Variants in DMXL2 observed in about 807,000 individuals in gnomAD.
DMXL2 encodes dmX-like protein 2.
A neutral mutation model predicts 331.1 loss-of-function variants in DMXL2; 103 were observed. The ratio of observed to expected loss-of-function variants is 0.31; its 90% CI spans 0.27 to 0.37. The LOEUF (loss-of-function observed/expected upper bound fraction) is 0.37. Among genes scored for constraint, DMXL2 ranks in the 10% least tolerant of loss-of-function variants. The probability of loss-of-function intolerance (pLI) is 1.00; values close to 1 mark genes in which losing one functional copy is unlikely to be tolerated. For missense variants in DMXL2, 3,171 were observed against 3,642.9 expected, an observed-to-expected ratio of 0.87 and a Z score of 3.33; for synonymous variants, 1,281 against 1,252.1, an observed-to-expected ratio of 1.02 and a Z score of -0.49.
chr15:51,468,570 A>G (rs1264783520), intron 29 of DMXL2, among the ~76,000 whole-genome samples: 2 of 152,358 alleles, frequency 1.3e-5, no homozygotes, highest in Non-Finnish European at 1.5e-5. Flanking sequence ...ACACAAAAGC[A>G]AAAGAATAAA....
chr15:51,555,332 A>G (rs2049492072), intron 6 of DMXL2, among the ~76,000 whole-genome samples: 1 of 152,174 alleles, frequency 6.6e-6, no homozygotes, highest in Admixed American at 6.6e-5. Flanking sequence ...CAGATTGTGG[A>G]TATATTCTAA....
At chr15:51,592,825 G>A (rs2052491770) in intron 1 of DMXL2, among the ~76,000 whole-genome samples, 4 of 152,036 alleles carry the variant, frequency 2.6e-5, no homozygotes. Context: ...AGCTTCATAA[G>A]TGAAGGAGAA....
At chr15:51,590,802 T>C (rs576429864) in intron 1 of DMXL2, among the ~76,000 whole-genome samples, 1 of 152,310 alleles carries the variant, frequency 6.6e-6, no homozygotes, top group East Asian at 1.9e-4. Context: ...GGGCATAATG[T>C]GGTAGAAAAT....
intron 1 of DMXL2, among the ~76,000 whole-genome samples, chr15:51,581,594 T>C (rs1257052268): frequency 6.6e-6 from 1 of 152,206 alleles, no homozygotes; most frequent in African/African-American, 2.4e-5. Context: ...ATAATTGTCT[T>C]AACTACATTA....
intron 19 of DMXL2, among the ~76,000 whole-genome samples, chr15:51,494,433 A>G (rs905215927): frequency 1.3e-5 from 2 of 152,112 alleles, no homozygotes; most frequent in African/African-American, 4.8e-5. Flanking sequence ...CGCACTCCCA[A>G]CTCTTCTAAT....
At chr15:51,466,353 T>C in intron 29 of DMXL2, 42 bp from the exon 30 acceptor site, 1 of 835,342 alleles carries the variant, frequency 1.2e-6, no homozygotes, top group South Asian at 3.6e-5. Context: ...GATTATAATT[T>C]CATAAACATA....
chr15:51,503,122 A>G, intron 16 of DMXL2, 89 bp from the exon 17 acceptor site: 2 of 935,336 alleles, frequency 2.1e-6, no homozygotes, highest in Non-Finnish European at 3.2e-6. Flanking sequence ...TATTTAAGAA[A>G]CATAGCTTCT....
chr15:51,585,839 C>G (rs2051777919), intron 1 of DMXL2, among the ~76,000 whole-genome samples: 1 of 152,086 alleles, frequency 6.6e-6, no homozygotes, highest in South Asian at 2.1e-4. Flanking sequence ...TGTAAACTGA[C>G]TATTCATATT....
chr15:51,468,945 A>C (rs1361160973), intron 29 of DMXL2, among the ~76,000 whole-genome samples: 1 of 151,936 alleles, frequency 6.6e-6, no homozygotes, highest in African/African-American at 2.4e-5. Context: ...AAAAGGTGGG[A>C]GTTAAGTTAA....
chr15:51,530,856 T>G (rs887573284), intron 13 of DMXL2, among the ~76,000 whole-genome samples: 2 of 152,180 alleles, frequency 1.3e-5, no homozygotes, highest in Non-Finnish European at 2.9e-5. Flanking sequence ...TAATGAAAAC[T>G]GTAAAACACT....
rs200404889 is a variant in DMXL2 at position 51,502,911 on chromosome 15, T to C, written c.2887A>G (p.Asn963Asp). ...SPMPHSSSIANLQTASKLILS... is the reference protein window; with the variant it reads ...SPMPHSSSIADLQTASKLILS... ...ATAAGTTTACTGGCAGTTTGAAGAT[T>C]GGCAATTGATGAAGAATGTGGCATG... The change falls in exon 17 of 44, where the codon AAT becomes GAT. Residue 963 changes from asparagine to aspartate, a missense_variant. Asn to Asp is a conservative substitution (Grantham distance 23). Transcript: ENST00000560891. 1 of 1,614,010 alleles carries C rather than the reference T, an allele frequency of 6.2e-7. No homozygotes were observed. The highest frequency in any genetic ancestry group is 1.3e-5 in the African/African-American group (1 of 74,910).
At chr15:51,500,440 A>G (rs1045043580) in intron 17 of DMXL2, among the ~76,000 whole-genome samples, 8 of 152,220 alleles carry the variant, frequency 5.3e-5, no homozygotes, top group African/African-American at 1.9e-4. Flanking sequence ...CAGTGAAATC[A>G]AGGTATGCAA....
chr15:51,482,756 G>C (rs547956147), intron 23 of DMXL2, among the ~76,000 whole-genome samples: 26 of 152,312 alleles, frequency 1.7e-4, no homozygotes, highest in African/African-American at 6.3e-4. Context: ...GTTCCCATTT[G>C]TGAAAGAACA....
chr15:51,455,921 G>T, intron 39 of DMXL2, 145 bp downstream of exon 39: 2 of 876,014 alleles, frequency 2.3e-6, no homozygotes, highest in Non-Finnish European at 3.5e-6. Flanking sequence ...GAAGAAAAGA[G>T]AGTGTATGAA....
At chr15:51,522,328 A>C (rs946812086) in intron 13 of DMXL2, among the ~76,000 whole-genome samples, 1 of 152,220 alleles carries the variant, frequency 6.6e-6, no homozygotes, top group Non-Finnish European at 1.5e-5. Flanking sequence ...CTAATGTGGA[A>C]CATTAGGAGT....
intron 1 of DMXL2, among the ~76,000 whole-genome samples, chr15:51,613,332 A>G (rs2141416465): frequency 6.6e-6 from 1 of 152,344 alleles, no homozygotes; most frequent in African/African-American, 2.4e-5. Flanking sequence ...GAAATTATGA[A>G]AGTATTAATT....
Position 51,498,864 on chromosome 15 carries a change from G to T in DMXL2, c.4360C>A (p.Gln1454Lys). ...CTTACTGTCTGATCTTCATAGCTCTGTGGTATCTTTGTACTTTCTTCTGAA... is the reference window on the plus strand; with the variant it reads ...CTTACTGTCTGATCTTCATAGCTCTTTGGTATCTTTGTACTTTCTTCTGAA... The part of the protein sequence containing the change: ...RISEESTKIP[Q>K]SYEDQTVSQP... The change falls in exon 18 of 44, where the codon CAG (glutamine) becomes AAG (lysine). Residue 1454 changes from glutamine (Q) to lysine (K), a missense_variant. Coordinates refer to ENST00000560891, the MANE Select transcript of DMXL2 (RefSeq NM_001378457.1). The T allele has an allele frequency of 6.2e-7, 1 of 1,614,056 alleles. No individual in the cohort carries two copies. Among genetic ancestry groups the T allele is most frequent in the Non-Finnish European group, 8.5e-7 (1 of 1,179,970 alleles).
At chr15:51,515,764 C>G (rs958502207) in intron 14 of DMXL2, among the ~76,000 whole-genome samples, 1 of 152,126 alleles carries the variant, frequency 6.6e-6, no homozygotes. Context: ...TGAGAGCAGA[C>G]TGTGTTAATA....
At chr15:51,572,642 A>T (rs934827835) in intron 2 of DMXL2, among the ~76,000 whole-genome samples, 9 of 152,206 alleles carry the variant, frequency 5.9e-5, no homozygotes, top group Non-Finnish European at 1.0e-4. Flanking sequence ...TACACAAATC[A>T]ATAAATGTAA....
Sources: allele counts gnomAD v4.1 joint callset (sites outside exome capture counted in the v4.1 genomes callset), GRCh38; gene constraint gnomAD v4.1.1; transcripts MANE v1.5; gene names NCBI Gene and HGNC (gene_info 2026-07-23, HGNC 2026-07-21).